CACUL1: variants seen among roughly 807,000 people sequenced by gnomAD.
CACUL1 encodes CDK2 associated cullin domain 1.
In CACUL1, 13 loss-of-function variants were observed where a neutral mutation model predicts 45.2. The ratio of observed to expected loss-of-function variants is 0.29; its 90% CI spans 0.19 to 0.46. The LOEUF (loss-of-function observed/expected upper bound fraction) is 0.46. Among genes scored for constraint, CACUL1 ranks in the 20% least tolerant of loss-of-function variants. CACUL1 has a pLI of 1.00. For missense variants in CACUL1, 421 were observed against 471.4 expected, an observed-to-expected ratio of 0.89 and a Z score of 0.99; for synonymous variants, 197 against 174.2, an observed-to-expected ratio of 1.13 and a Z score of -1.03.
chr10:118,695,359 C>A, intron 5 of CACUL1, 129 bp from the exon 6 acceptor site: 2 of 614,268 alleles, frequency 3.3e-6, no homozygotes, highest in Non-Finnish European at 6.0e-6. Context: ...ATAAACCAAT[C>A]AAATGTTTAT....
intron 4 of CACUL1, among the ~76,000 whole-genome samples, chr10:118,705,977 CCCTTATTTGAAT>C (rs990212619): frequency 6.6e-6 from 1 of 152,092 alleles, no homozygotes; most frequent in Admixed American, 6.6e-5. Flanking sequence ...AATCTAAGAT[CCCTTATTTGAAT>C]CCTGCTAGCT....
chr10:118,691,332 C>A lies in CACUL1; in HGVS notation c.958G>T (p.Glu320Ter). 1 of 1,612,688 alleles carries A rather than the reference C, an allele frequency of 6.2e-7. No individual in the cohort carries two copies. Among genetic ancestry groups the A allele is most frequent in the Non-Finnish European group, 8.5e-7 (1 of 1,178,758 alleles). Reference protein sequence around the residue: ...PNILPPAVESELSEYAAQDQK... With the variant: ...PNILPPAVES Reference sequence around the variant, plus strand: ...TCTTGAGCAGCATATTCAGAAAGTTCAGATTCCACCGCCGGAGGGAGAATG... The same window carrying A: ...TCTTGAGCAGCATATTCAGAAAGTTAAGATTCCACCGCCGGAGGGAGAATG... Residue 320 changes from glutamate (E) to a stop codon, truncating the protein, a stop_gained, in exon 7 of 9, where the codon GAA becomes TAA. Transcript: ENST00000369151. LOFTEE classifies it high-confidence loss of function.
At chr10:118,731,066 C>CAGGCTCTTACTCCCACACTACAGGT (rs1356486447) in intron 1 of CACUL1, among the ~76,000 whole-genome samples, 1 of 152,166 alleles carries the variant, frequency 6.6e-6, no homozygotes, top group Non-Finnish European at 1.5e-5. Context: ...TTCCTACAGA[C>CAGGCTCTTACTCCCACACTACAGGT]AGGCTCTTAC....
chr10:118,721,172 G>A (rs528035973), intron 3 of CACUL1, among the ~76,000 whole-genome samples: 1 of 152,226 alleles, frequency 6.6e-6, no homozygotes, highest in African/African-American at 2.4e-5. Context: ...AATTTCAAAT[G>A]ACCGTACACA....
chr10:118,737,529 C>T (rs911024051), intron 1 of CACUL1, among the ~76,000 whole-genome samples: 17 of 152,102 alleles, frequency 1.1e-4, no homozygotes, highest in Admixed American at 3.3e-4. Context: ...CGTATAAAAC[C>T]TCCTTTGCCT....
chr10:118,723,655 T>A (rs1361167844), intron 3 of CACUL1, among the ~76,000 whole-genome samples: 2 of 152,226 alleles, frequency 1.3e-5, no homozygotes, highest in Non-Finnish European at 2.9e-5. Flanking sequence ...TCTGATTAAG[T>A]GCCAGATACT....
rs1449853979 is a variant in CACUL1 at position 118,680,968 on chromosome 10, C to T, written c.*5160G>A. The T allele has an allele frequency of 6.6e-6, 1 of 151,892 alleles. No individual in the cohort carries two copies. Among genetic ancestry groups the T allele is most frequent in the Non-Finnish European group, 1.5e-5 (1 of 67,998 alleles). The allele number at this position is 151,892 out of a possible 1,614,324, so 9.4% of individuals were successfully genotyped here. ...AAGGACATCTGTACAGGATTTATAA[C>T]ATAACATAACAAGGCCAACGACATC... On this transcript the variant is annotated 3_prime_UTR_variant, in exon 9 of 9. Coordinates refer to ENST00000369151, the MANE Select transcript of CACUL1 (RefSeq NM_153810.5).
At chr10:118,707,061 C>T (rs1418064248) in intron 4 of CACUL1, among the ~76,000 whole-genome samples, 2 of 152,196 alleles carry the variant, frequency 1.3e-5, no homozygotes, top group Non-Finnish European at 2.9e-5. Flanking sequence ...AGATTATACT[C>T]ATAGCATAAC....
intron 5 of CACUL1, among the ~76,000 whole-genome samples, chr10:118,695,465 T>C (rs530357604): frequency 3.3e-5 from 5 of 152,326 alleles, no homozygotes; most frequent in Admixed American, 1.3e-4. Flanking sequence ...ATGAAGGTTC[T>C]GAAAAGTAAG....
intron 3 of CACUL1, among the ~76,000 whole-genome samples, chr10:118,719,651 AAAATAT>A (rs1478269790): frequency 1.3e-5 from 2 of 152,150 alleles, no homozygotes; most frequent in African/African-American, 4.8e-5. Context: ...GTCTCTACTA[AAAATAT>A]AAAATTAGCC....
chr10:118,733,361 T>C (rs117049506), intron 1 of CACUL1, among the ~76,000 whole-genome samples: 1 of 152,130 alleles, frequency 6.6e-6, no homozygotes, highest in African/African-American at 2.4e-5. Flanking sequence ...TTTCCACACG[T>C]ATTATTTATT....
intron 7 of CACUL1, among the ~76,000 whole-genome samples, chr10:118,690,117 A>T (rs1589601492): frequency 6.6e-6 from 1 of 152,082 alleles, no homozygotes; most frequent in Middle Eastern, 3.4e-3. Flanking sequence ...CTGGCTAACA[A>T]GGTGAAACCC....
At chr10:118,753,533 C>T (rs551604974) in intron 1 of CACUL1, among the ~76,000 whole-genome samples, 1 of 152,382 alleles carries the variant, frequency 6.6e-6, no homozygotes, top group African/African-American at 2.4e-5. Flanking sequence ...GCCACGCACA[C>T]ATACACACAA....
In CACUL1 at chr10:118,686,675, C is replaced by T. The variant is rs770493463; in HGVS notation, c.1026-34G>A. 17 of 1,526,274 alleles carry T rather than the reference C, an allele frequency of 1.1e-5. No homozygotes were observed. The Admixed American group carries it at 2.5e-4, about 23-fold the overall frequency. The allele number at this position is 1,526,274 out of a possible 1,614,324, so 94.5% of individuals were successfully genotyped here. On this transcript the variant is annotated intron_variant, in intron 7 of 8. Coordinates refer to ENST00000369151, the MANE Select transcript of CACUL1 (RefSeq NM_153810.5). The stretch of plus-strand genomic sequence containing the variant: ...AAGAAGAGGCAGTCAACAAAACTGA[C>T]TTCACATCAAAACAGGAGGAAAGGA...
At chr10:118,731,188 C>T (rs143545980) in intron 1 of CACUL1, among the ~76,000 whole-genome samples, 2 of 152,236 alleles carry the variant, frequency 1.3e-5, no homozygotes, top group Non-Finnish European at 2.9e-5. Flanking sequence ...AAAAGAGCTA[C>T]CAGAAGAACC....
rs1474430050 is a variant in CACUL1 at position 118,683,553 on chromosome 10, G to C, written c.*2575C>G. ...AAAAACAAAATACAAAAAGTAGCCG[G>C]GCGTAGTGGCACGTGCCTGTAATTC... On this transcript the variant is annotated 3_prime_UTR_variant, in exon 9 of 9. Coordinates refer to ENST00000369151, the MANE Select transcript of CACUL1 (RefSeq NM_153810.5). The C allele has an allele frequency of 1.3e-5, 2 of 152,102 alleles. No homozygotes were observed. The highest frequency in any genetic ancestry group is 4.8e-5 in the African/African-American group (2 of 41,382). 9.4% of individuals were successfully genotyped at this position (152,102 alleles called of 1,614,324 possible).
intron 7 of CACUL1, 97 bp downstream of exon 7, chr10:118,691,168 T>G: frequency 9.7e-7 from 1 of 1,030,880 alleles, no homozygotes; most frequent in Non-Finnish European, 1.4e-6. Flanking sequence ...GCCAGTTACC[T>G]CCCATTCTCA....
chr10:118,717,162 C>A (rs1359172621), intron 3 of CACUL1, among the ~76,000 whole-genome samples: 1 of 152,174 alleles, frequency 6.6e-6, no homozygotes, highest in African/African-American at 2.4e-5. Context: ...CATTTAGGAA[C>A]CCTACACCTT....
rs778930674 is a variant in CACUL1, at chr10:118,678,776, T to TA, written c.*7351dup. 1 of 152,358 alleles carries TA rather than the reference T, an allele frequency of 6.6e-6. No individual in the cohort carries two copies. The highest frequency in any genetic ancestry group is 1.9e-4 in the East Asian group (1 of 5,194). 9.4% of individuals were successfully genotyped at this position (152,358 alleles called of 1,614,324 possible). On this transcript the variant is annotated 3_prime_UTR_variant, in exon 9 of 9. Coordinates refer to ENST00000369151, the MANE Select transcript of CACUL1 (RefSeq NM_153810.5). ...ATTTGTTACATTTTGAATACACTGT[T>TA]AGACTTGGTTTGCAAAAACTTATTT...
Sources: allele counts gnomAD v4.1 joint callset (sites outside exome capture counted in the v4.1 genomes callset), GRCh38; gene constraint gnomAD v4.1.1; transcripts MANE v1.5; gene names NCBI Gene and HGNC (gene_info 2026-07-23, HGNC 2026-07-21).